Variants in FNDC3B observed in about 807,000 individuals in gnomAD.
FNDC3B encodes the protein fibronectin type III domain containing 3B.
A neutral mutation model predicts 151.5 loss-of-function variants in FNDC3B; 12 were observed. The ratio of observed to expected loss-of-function variants is 0.08; its 90% CI spans 0.05 to 0.13. FNDC3B has a LOEUF of 0.13. Ranked by LOEUF, FNDC3B falls within the 10% of genes least tolerant of loss-of-function variation. FNDC3B has a pLI of 1.00. For synonymous variants in FNDC3B, 528 were observed against 549.0 expected (o/e 0.96, Z 0.54); for missense variants, 1,214 against 1,505.3 (o/e 0.81, Z 3.20).
At chr3:172,114,162 G>A (rs1224125188) in intron 2 of FNDC3B, among the ~76,000 whole-genome samples, 1 of 152,150 alleles carries the variant, frequency 6.6e-6, no homozygotes, top group Non-Finnish European at 1.5e-5. Flanking sequence ...CTGCCTGGCT[G>A]CCAGCCTTCC....
chr3:172,151,959 T>C (rs1455377698), intron 3 of FNDC3B, among the ~76,000 whole-genome samples: 1 of 152,180 alleles, frequency 6.6e-6, no homozygotes, highest in Non-Finnish European at 1.5e-5. Flanking sequence ...AATCTAATAT[T>C]TTCATTCTCC....
At chr3:172,154,447 C>A (rs1722387024) in intron 3 of FNDC3B, among the ~76,000 whole-genome samples, 1 of 152,166 alleles carries the variant, frequency 6.6e-6, no homozygotes, top group South Asian at 2.1e-4. Context: ...ACCTCGTGAT[C>A]CGCCGTCCTC....
At chr3:172,124,097 T>C (rs892857450) in intron 2 of FNDC3B, among the ~76,000 whole-genome samples, 1 of 152,182 alleles carries the variant, frequency 6.6e-6, no homozygotes, top group African/African-American at 2.4e-5. Context: ...TTGGAACTTT[T>C]TTTTTTCTCT....
chr3:172,159,503 C>T (rs942943309), intron 3 of FNDC3B, among the ~76,000 whole-genome samples: 9 of 152,124 alleles, frequency 5.9e-5, no homozygotes, highest in African/African-American at 7.2e-5. Context: ...GCCAGCTCTC[C>T]GTAAACTAGT....
At chr3:172,146,891 T>C (rs1055942265) in intron 3 of FNDC3B, among the ~76,000 whole-genome samples, 6 of 152,366 alleles carry the variant, frequency 3.9e-5, no homozygotes, top group Non-Finnish European at 7.3e-5. Context: ...TACTTTATAC[T>C]TACTTAGATG....
At chr3:172,221,267 T>C (rs1266654743) in intron 3 of FNDC3B, among the ~76,000 whole-genome samples, 1 of 152,210 alleles carries the variant, frequency 6.6e-6, no homozygotes, top group African/African-American at 2.4e-5. Context: ...TTGGATGCCT[T>C]TCTTTTTCTT....
At chr3:172,279,088 C>T (rs1729572892) in intron 6 of FNDC3B, among the ~76,000 whole-genome samples, 1 of 152,116 alleles carries the variant, frequency 6.6e-6, no homozygotes, top group South Asian at 2.1e-4. Context: ...AGACCTAGAC[C>T]TGGCACTCCA....
intron 3 of FNDC3B, among the ~76,000 whole-genome samples, chr3:172,194,509 G>A (rs1218455715): frequency 1.3e-5 from 2 of 152,146 alleles, no homozygotes; most frequent in African/African-American, 4.8e-5. Flanking sequence ...CTACCTTACT[G>A]CTTCTATAAA....
intron 25 of FNDC3B, among the ~76,000 whole-genome samples, chr3:172,384,152 A>T (rs1329867320): frequency 6.6e-6 from 1 of 152,224 alleles, no homozygotes; most frequent in African/African-American, 2.4e-5. Flanking sequence ...GTAATTTTGG[A>T]CATTTTGCTG....
At chr3:172,235,554 C>T (rs1727110912) in intron 4 of FNDC3B, among the ~76,000 whole-genome samples, 1 of 152,126 alleles carries the variant, frequency 6.6e-6, no homozygotes, top group Non-Finnish European at 1.5e-5. Context: ...CATGTCTAAT[C>T]TCATAATCTG....
intron 3 of FNDC3B, among the ~76,000 whole-genome samples, chr3:172,207,917 G>A (rs558115421): frequency 3.3e-5 from 5 of 152,156 alleles, no homozygotes; most frequent in East Asian, 1.9e-4. Context: ...ACTGCACTCC[G>A]GCCTGGGCAA....
At chr3:172,324,097 A>C (rs1050551989) in intron 11 of FNDC3B, among the ~76,000 whole-genome samples, 16 of 152,166 alleles carry the variant, frequency 1.1e-4, no homozygotes, top group African/African-American at 3.9e-4. Context: ...CGCAAGGCAC[A>C]CTGGACGGAA....
chr3:172,320,830 G>A (rs1732046369), intron 11 of FNDC3B, among the ~76,000 whole-genome samples: 1 of 152,236 alleles, frequency 6.6e-6, no homozygotes, highest in African/African-American at 2.4e-5. Flanking sequence ...AGCCCATTTA[G>A]AGGATTCATC....
chr3:172,109,075 G>C (rs1380548362), intron 1 of FNDC3B, among the ~76,000 whole-genome samples: 4 of 152,090 alleles, frequency 2.6e-5, no homozygotes, highest in Non-Finnish European at 5.9e-5. Flanking sequence ...GCCCCATCTA[G>C]CTGAATCTGT....
chr3:172,129,809 C>CT (rs75351678), intron 2 of FNDC3B, among the ~76,000 whole-genome samples: 31,327 of 151,818 alleles, frequency 0.21, 3,865 homozygotes, highest in East Asian at 0.29. Flanking sequence ...AAATCTTTGT[C>CT]TTTTTTTTCT....
intron 11 of FNDC3B, among the ~76,000 whole-genome samples, chr3:172,317,656 A>G (rs1466892530): frequency 6.6e-6 from 1 of 152,232 alleles, no homozygotes; most frequent in African/African-American, 2.4e-5. Flanking sequence ...GATAAGTTGG[A>G]CAACAGCCGA....
chr3:172,311,594 C>T (rs1185493728), intron 11 of FNDC3B, among the ~76,000 whole-genome samples: 8 of 151,770 alleles, frequency 5.3e-5, no homozygotes, highest in Non-Finnish European at 2.9e-5. Context: ...AGGTCGGGCG[C>T]GATGACTCAC....
chr3:172,138,500 AAT>A (rs1721477682), intron 3 of FNDC3B, among the ~76,000 whole-genome samples: 1 of 152,222 alleles, frequency 6.6e-6, no homozygotes, highest in African/African-American at 2.4e-5. Context: ...AATTGAAGTT[AAT>A]GAGTTTCCTT....
chr3:172,271,167 C>T (rs965696612), intron 6 of FNDC3B, among the ~76,000 whole-genome samples: 3 of 152,198 alleles, frequency 2.0e-5, no homozygotes, highest in Non-Finnish European at 4.4e-5. Flanking sequence ...TTTCCACTAT[C>T]ATTAGCTTTT....
Sources: gnomAD v4.1 joint callset for allele counts (sites outside exome capture counted in the v4.1 genomes callset) on GRCh38, gnomAD v4.1.1 for gene constraint, MANE v1.5 for transcripts, NCBI Gene and HGNC (gene_info 2026-07-23, HGNC 2026-07-21) for gene names.